Variants in HCN1 observed in about 807,000 individuals in gnomAD.
HCN1 encodes the protein hyperpolarization activated cyclic nucleotide gated potassium channel 1.
In HCN1, 13 loss-of-function variants were observed where a neutral mutation model predicts 78.9. The observed-to-expected ratio is 0.16, with a 90% CI of 0.11 to 0.26. The LOEUF (loss-of-function observed/expected upper bound fraction) is 0.26. Among genes scored for constraint, HCN1 ranks in the 10% least tolerant of loss-of-function variants. The pLI, the probability that HCN1 is intolerant of heterozygous loss-of-function variation, is 1.00. For missense variants in HCN1, 810 were observed against 1,154.3 expected (o/e 0.70, Z 4.32); for synonymous variants, 552 against 455.5 (o/e 1.21, Z -2.70).
At chr5:45,544,029 T>C (rs1743157398) in intron 2 of HCN1, among the ~76,000 whole-genome samples, 1 of 152,202 alleles carries the variant, frequency 6.6e-6, no homozygotes, top group Non-Finnish European at 1.5e-5. Flanking sequence ...TTCTGACTTA[T>C]AATTTCAACT....
chr5:45,657,247 C>G (rs1006214091), intron 1 of HCN1, among the ~76,000 whole-genome samples: 1 of 152,178 alleles, frequency 6.6e-6, no homozygotes, highest in African/African-American at 2.4e-5. Flanking sequence ...CACTTACAAA[C>G]GAATTCAATG....
chr5:45,446,668 A>G (rs2111585134), intron 3 of HCN1, among the ~76,000 whole-genome samples: 1 of 152,374 alleles, frequency 6.6e-6, no homozygotes, highest in Middle Eastern at 3.4e-3. Context: ...AGGGAAGCCC[A>G]TCAGACTAAC....
At chr5:45,461,786 C>G in intron 3 of HCN1, 60 bp downstream of exon 3, 1 of 1,395,088 alleles carries the variant, frequency 7.2e-7, no homozygotes, top group Non-Finnish European at 1.0e-6. Context: ...AACATAATTA[C>G]TTAAAAGGTT....
intron 3 of HCN1, among the ~76,000 whole-genome samples, chr5:45,423,406 C>G (rs1034776522): frequency 1.3e-5 from 2 of 152,122 alleles, no homozygotes; most frequent in African/African-American, 4.8e-5. Context: ...TCCTACCTTT[C>G]TAACTTACTC....
intron 2 of HCN1, among the ~76,000 whole-genome samples, chr5:45,581,873 G>A (rs1287600995): frequency 6.6e-6 from 1 of 152,084 alleles, no homozygotes; most frequent in Non-Finnish European, 1.5e-5. Flanking sequence ...CTGTTCCATT[G>A]GTCTATATTT....
chr5:45,656,742 C>A (rs1417586547), intron 1 of HCN1, among the ~76,000 whole-genome samples: 1 of 152,104 alleles, frequency 6.6e-6, no homozygotes, highest in East Asian at 1.9e-4. Flanking sequence ...AATAAAATCT[C>A]AATTTAAAAA....
Position 45,393,601 on chromosome 5 carries a change from C to T in HCN1, c.1230+2891G>A, listed in dbSNP as rs1051694814. 4.1e-4 allele frequency among the ~76,000 whole-genome samples: 62 copies of T among 152,252 alleles called. 1 individual carries two copies. Among genetic ancestry groups the T allele is most frequent in the African/African-American group, 1.5e-3 (62 of 41,558 alleles). On this transcript the variant is annotated intron_variant, in intron 4 of 7. Transcript: ENST00000303230. ...GGCTTGGCATGAAGGTCAAAGATGG[C>T]ATGTTAAATCTTCAGGGCACACACA... is the stretch of plus-strand genomic sequence containing the variant.
At chr5:45,554,738 G>A in intron 2 of HCN1, among the ~76,000 whole-genome samples, 1 of 151,860 alleles carries the variant, frequency 6.6e-6, no homozygotes, top group East Asian at 2.0e-4. Context: ...TGAATAATCA[G>A]TGTATGTGAA....
intron 1 of HCN1, among the ~76,000 whole-genome samples, chr5:45,692,525 T>C (rs1739932614): frequency 6.6e-6 from 1 of 152,194 alleles, no homozygotes; most frequent in Non-Finnish European, 1.5e-5. Context: ...CTAAATTCTG[T>C]AGCTTCCACC....
chr5:45,672,547 A>C (rs536400113), intron 1 of HCN1, among the ~76,000 whole-genome samples: 2 of 151,228 alleles, frequency 1.3e-5, no homozygotes, highest in African/African-American at 4.8e-5. Flanking sequence ...AAAAAATTAA[A>C]AAGTCCTTAG....
chr5:45,481,889 T>A (rs1204102291), intron 2 of HCN1, among the ~76,000 whole-genome samples: 1 of 152,206 alleles, frequency 6.6e-6, no homozygotes, highest in Non-Finnish European at 1.5e-5. Context: ...TCTGTTTTCC[T>A]CATTTATAAA....
At chr5:45,604,282 C>A (rs1276569759) in intron 2 of HCN1, among the ~76,000 whole-genome samples, 2 of 151,822 alleles carry the variant, frequency 1.3e-5, no homozygotes, top group African/African-American at 2.4e-5. Context: ...AAGCAAATTA[C>A]CAGTGTCTAA....
intron 2 of HCN1, among the ~76,000 whole-genome samples, chr5:45,585,766 C>A (rs553181173): frequency 6.6e-6 from 1 of 152,302 alleles, no homozygotes; most frequent in East Asian, 1.9e-4. Flanking sequence ...AGCTGCAGGT[C>A]TGCTGGAGTT....
At position 45,471,896 on chromosome 5, in the gene HCN1, C is replaced by G. The variant is rs565736547; in HGVS notation, c.850-9889G>C. On this transcript the variant is annotated intron_variant, in intron 2 of 7. Transcript: ENST00000303230. ...ATTATTTTTTCAAAAACTTAATTTACCTCACATTCAATCTTTCCTTCCTTG... is the reference window on the plus strand; with the variant it reads ...ATTATTTTTTCAAAAACTTAATTTAGCTCACATTCAATCTTTCCTTCCTTG... Among the ~76,000 whole-genome samples, 3 of 151,980 alleles carry G rather than the reference C, an allele frequency of 2.0e-5. No individual in the cohort carries two copies. In the South Asian group the frequency reaches 6.2e-4, roughly 31 times the overall value.
chr5:45,592,876 C>T (rs1744403566), intron 2 of HCN1, among the ~76,000 whole-genome samples: 1 of 152,086 alleles, frequency 6.6e-6, no homozygotes, highest in Non-Finnish European at 1.5e-5. Flanking sequence ...TTATTGTTTG[C>T]CTAGATAACT....
chr5:45,520,480 G>A (rs965174331), intron 2 of HCN1, among the ~76,000 whole-genome samples: 1 of 151,988 alleles, frequency 6.6e-6, no homozygotes, highest in Admixed American at 6.6e-5. Flanking sequence ...ACATAGCACA[G>A]AACTGTATTT....
chr5:45,494,632 T>C (rs1196004053), intron 2 of HCN1, among the ~76,000 whole-genome samples: 4 of 152,258 alleles, frequency 2.6e-5, no homozygotes, highest in South Asian at 4.1e-4. Context: ...ATTTTGGTTT[T>C]GTTGCCATTG....
intron 2 of HCN1, among the ~76,000 whole-genome samples, chr5:45,473,217 A>G (rs1741431872): frequency 6.6e-6 from 1 of 151,908 alleles, no homozygotes; most frequent in Admixed American, 6.6e-5. Flanking sequence ...TCTAAGTTCT[A>G]TACATAAGCT....
At chr5:45,376,373 G>A (rs1174810800) in intron 4 of HCN1, among the ~76,000 whole-genome samples, 4 of 39,382 alleles carry the variant, frequency 1.0e-4, no homozygotes, top group South Asian at 8.7e-4. Flanking sequence ...GAGAGAGAGA[G>A]AAAATGACTA....
Sources: allele counts gnomAD v4.1 joint callset (sites outside exome capture counted in the v4.1 genomes callset), GRCh38; gene constraint gnomAD v4.1.1; transcripts MANE v1.5; gene names NCBI Gene and HGNC (gene_info 2026-07-23, HGNC 2026-07-21).